Variants in FBXO34 observed in about 807,000 individuals in gnomAD.
FBXO34 encodes F-box protein 34.
FBXO34 carries 12 observed loss-of-function variants against 24.5 expected under a neutral mutation model. That is an observed-to-expected ratio of 0.49 (90% CI 0.31 to 0.79). FBXO34 has a LOEUF of 0.79. FBXO34 is among the 30% of genes least tolerant of loss of function. FBXO34 has a pLI of 0.04. For synonymous variants in FBXO34, 320 were observed against 311.9 expected (o/e 1.03, Z -0.27); for missense variants, 823 against 857.7 (o/e 0.96, Z 0.51).
At chr14:55,323,217 A>T (rs1157655570) in intron 1 of FBXO34, among the ~76,000 whole-genome samples, 2 of 35,704 alleles carry the variant, frequency 5.6e-5, no homozygotes, top group South Asian at 1.0e-3. Context: ...AAAAAAAAAA[A>T]AATATATATT....
At chr14:55,432,400 G>A in the FBXO34 span, among the ~76,000 whole-genome samples, 2 of 146,072 alleles carry the variant, frequency 1.4e-5, no homozygotes, top group African/African-American at 2.6e-5. Context: ...ATAACACAGT[G>A]AGACCGTGTC....
intron 1 of FBXO34, among the ~76,000 whole-genome samples, chr14:55,316,886 C>T (rs117450540): frequency 6.6e-6 from 1 of 152,232 alleles, no homozygotes; most frequent in Non-Finnish European, 1.5e-5. Flanking sequence ...GTTTTTATCT[C>T]TATCTTTTAT....
At chr14:55,386,262 T>C in the FBXO34 span, among the ~76,000 whole-genome samples, 1 of 152,182 alleles carries the variant, frequency 6.6e-6, no homozygotes, top group Admixed American at 6.6e-5. Context: ...TTAGTTCAAG[T>C]AGATATTACA....
At chr14:55,285,399 C>T (rs1025022263) in intron 1 of FBXO34, 1 of 152,194 alleles carries the variant, frequency 6.6e-6, no homozygotes, top group African/African-American at 2.4e-5. Context: ...GTTCTTTCTC[C>T]TGGGAGTCGA....
chr14:55,380,397 A>G, the FBXO34 span, among the ~76,000 whole-genome samples: 1 of 152,258 alleles, frequency 6.6e-6, no homozygotes, highest in African/African-American at 2.4e-5. Flanking sequence ...CAACTGTAAG[A>G]TAATGAAACG....
chr14:55,366,035 C>T (rs2140108824), downstream of FBXO34, among the ~76,000 whole-genome samples: 2 of 152,252 alleles, frequency 1.3e-5, no homozygotes, highest in Middle Eastern at 6.8e-3. Context: ...TCCTCTTGTC[C>T]TGAAGAAAGT....
chr14:55,415,880 T>G, the FBXO34 span, among the ~76,000 whole-genome samples: 1 of 151,856 alleles, frequency 6.6e-6, no homozygotes, highest in African/African-American at 2.4e-5. Context: ...TAAAAAAATG[T>G]ATGGTGTGTA....
the FBXO34 span, chr14:55,414,114 T>C: frequency 1.8e-6 from 1 of 560,444 alleles, no homozygotes; most frequent in East Asian, 4.0e-5. Context: ...GCATTGAGTC[T>C]TCATGATGCT....
At chr14:55,400,808 G>A in the FBXO34 span, among the ~76,000 whole-genome samples, 2 of 152,018 alleles carry the variant, frequency 1.3e-5, no homozygotes, top group Non-Finnish European at 2.9e-5. Flanking sequence ...GGAGGCTGAG[G>A]CAGGAGAATT....
At chr14:55,407,842 G>C in the FBXO34 span, among the ~76,000 whole-genome samples, 1 of 152,148 alleles carries the variant, frequency 6.6e-6, no homozygotes, top group Non-Finnish European at 1.5e-5. Flanking sequence ...GTCAGGAAAG[G>C]CCTCACCGAA....
chr14:55,292,176 C>G (rs1881964772), intron 1 of FBXO34, among the ~76,000 whole-genome samples: 1 of 151,592 alleles, frequency 6.6e-6, no homozygotes, highest in South Asian at 2.1e-4. Context: ...TCTTTTTATT[C>G]TCTGATTGCT....
intron 3 of FBXO34, among the ~76,000 whole-genome samples, chr14:55,358,668 C>T (rs978542709): frequency 1.3e-5 from 2 of 152,164 alleles, no homozygotes; most frequent in Admixed American, 6.5e-5. Context: ...AAGGATTGGC[C>T]CTACTAATGT....
downstream of FBXO34, among the ~76,000 whole-genome samples, chr14:55,354,016 C>A (rs575649039): frequency 6.6e-6 from 1 of 152,214 alleles, no homozygotes; most frequent in East Asian, 1.9e-4. Context: ...CGAGTACCCA[C>A]CAAAAAGCCT....
chr14:55,366,157 A>G (rs1160118791), downstream of FBXO34, among the ~76,000 whole-genome samples: 1 of 152,208 alleles, frequency 6.6e-6, no homozygotes, highest in Non-Finnish European at 1.5e-5. Flanking sequence ...AAAGAAAAAC[A>G]CGTCTTTAGG....
At chr14:55,298,839 C>T (rs1882237058) in intron 1 of FBXO34, 1 of 1,612,508 alleles carries the variant, frequency 6.2e-7, no homozygotes, top group Non-Finnish European at 8.5e-7. Context: ...GTATGAGAAG[C>T]AGCTGGCGCA....
intron 1 of FBXO34, among the ~76,000 whole-genome samples, chr14:55,283,944 ATGTGTGTG>A (rs71131258): frequency 9.1e-5 from 13 of 142,588 alleles, no homozygotes; most frequent in Non-Finnish European, 1.8e-4. Context: ...TTCTAAGACT[ATGTGTGTG>A]TGTGTGTGTG....
intron 1 of FBXO34, among the ~76,000 whole-genome samples, chr14:55,296,382 G>GTTTTTTGT (rs1882122984): frequency 1.0e-5 from 1 of 95,784 alleles, no homozygotes; most frequent in African/African-American, 3.8e-5. Flanking sequence ...CTGTTCTTGT[G>GTTTTTTGT]TTTTTTTTGT....
downstream of FBXO34, among the ~76,000 whole-genome samples, chr14:55,363,277 C>G (rs1418448801): frequency 6.6e-6 from 1 of 151,352 alleles, no homozygotes; most frequent in Non-Finnish European, 1.5e-5. Context: ...TCAGGTGATC[C>G]ACCCACCTTG....
chr14:55,413,644 G>C, the FBXO34 span: 3 of 405,964 alleles, frequency 7.4e-6, no homozygotes, highest in Non-Finnish European at 1.5e-5. Flanking sequence ...GCAGGCTGGC[G>C]CTTCAGTTGA....
Sources: allele counts gnomAD v4.1 joint callset (sites outside exome capture counted in the v4.1 genomes callset), GRCh38; gene constraint gnomAD v4.1.1; transcripts MANE v1.5; gene names NCBI Gene and HGNC (gene_info 2026-07-23, HGNC 2026-07-21).